USH2A: variants seen among roughly 807,000 people sequenced by gnomAD.
USH2A encodes the protein Usher syndrome 2A (autosomal recessive, mild).
In USH2A, 443 loss-of-function variants were observed where a neutral mutation model predicts 538.9. That is an observed-to-expected ratio of 0.82 (90% confidence interval 0.76 to 0.89). USH2A has a LOEUF of 0.89. Among genes scored for constraint, USH2A ranks in the 40% least tolerant of loss-of-function variants. The pLI is 0.00. For missense variants in USH2A, 6,633 were observed against 6,324.8 expected (o/e 1.05, Z -1.65); for synonymous variants, 2,413 against 2,273.5 (o/e 1.06, Z -1.75).
chr1:215,743,257 A>G lies in USH2A; in HGVS notation c.11468T>C (p.Val3823Ala), dbSNP rs1660356720. Residue 3823 changes from valine (V) to alanine (A), a missense_variant, in exon 59 of 72, where the codon GTT becomes GCT. Coordinates refer to ENST00000307340, the MANE Select transcript of USH2A (RefSeq NM_206933.4). Reference sequence around the variant, plus strand: ...CAGAAGGGTGGATTGATGATGACCAACGGAGAAGGCCAGAGGTGTTACACT... The same window carrying G: ...CAGAAGGGTGGATTGATGATGACCAGCGGAGAAGGCCAGAGGTGTTACACT... ...DGSVTPLAFS[V>A]GHHQSTLLEN... 4 of 1,612,320 alleles carry G rather than the reference A, an allele frequency of 2.5e-6. No homozygotes were observed. In the East Asian group the frequency reaches 8.9e-5, roughly 36 times the overall value.
At chr1:216,194,682 T>G (rs2102456658) in intron 19 of USH2A, among the ~76,000 whole-genome samples, 1 of 152,148 alleles carries the variant, frequency 6.6e-6, no homozygotes, top group South Asian at 2.1e-4. Context: ...CCCTCCAAAA[T>G]AAAGGACAAA....
At chr1:216,407,313 T>C (rs1042815210) in intron 3 of USH2A, among the ~76,000 whole-genome samples, 1 of 152,152 alleles carries the variant, frequency 6.6e-6, no homozygotes, top group African/African-American at 2.4e-5. Context: ...TATATACATA[T>C]TTGTAAATAC....
intron 34 of USH2A, among the ~76,000 whole-genome samples, chr1:215,997,644 G>A (rs1668171434): frequency 6.6e-6 from 1 of 152,098 alleles, no homozygotes; most frequent in African/African-American, 2.4e-5. Flanking sequence ...GCCCTAGGAA[G>A]AGAATCTGTT....
At chr1:216,038,531 T>C (rs532768966) in intron 32 of USH2A, among the ~76,000 whole-genome samples, 1 of 152,140 alleles carries the variant, frequency 6.6e-6, no homozygotes, top group East Asian at 1.9e-4. Context: ...GAGTACAAAA[T>C]TAGCAAAATC....
chr1:216,015,628 C>T (rs1405054979), intron 32 of USH2A, among the ~76,000 whole-genome samples: 1 of 152,164 alleles, frequency 6.6e-6, no homozygotes, highest in Non-Finnish European at 1.5e-5. Context: ...GTTTACAGTC[C>T]CACCAACAGT....
At chr1:215,859,682 T>A (rs1664266068) in intron 44 of USH2A, among the ~76,000 whole-genome samples, 1 of 152,148 alleles carries the variant, frequency 6.6e-6, no homozygotes, top group South Asian at 2.1e-4. Flanking sequence ...ATCGCCTGCA[T>A]ATACCAAGGG....
intron 38 of USH2A, among the ~76,000 whole-genome samples, chr1:215,932,207 C>A (rs1473970084): frequency 6.6e-6 from 1 of 151,942 alleles, no homozygotes; most frequent in Non-Finnish European, 1.5e-5. Flanking sequence ...ATAATGATAA[C>A]AATCCAACTA....
At chr1:216,041,261 A>G (rs1417718213) in intron 32 of USH2A, among the ~76,000 whole-genome samples, 1 of 152,030 alleles carries the variant, frequency 6.6e-6, no homozygotes, top group African/African-American at 2.4e-5. Context: ...CTGACCCACC[A>G]TACTACTAGC....
chr1:215,626,642 A>G (rs969477574), intron 71 of USH2A, among the ~76,000 whole-genome samples: 3 of 152,158 alleles, frequency 2.0e-5, no homozygotes, highest in Non-Finnish European at 4.4e-5. Context: ...CATTATTAGT[A>G]CCGTAAAAAG....
chr1:215,808,009 C>T (rs1238846093), intron 49 of USH2A, among the ~76,000 whole-genome samples: 1 of 152,078 alleles, frequency 6.6e-6, no homozygotes, highest in Non-Finnish European at 1.5e-5. Flanking sequence ...GGTCAAACAA[C>T]TAAGAGGTGA....
At chr1:216,261,434 C>A (rs1347196995) in intron 11 of USH2A, among the ~76,000 whole-genome samples, 2 of 128,804 alleles carry the variant, frequency 1.6e-5, no homozygotes, top group Admixed American at 8.4e-5. Context: ...AGACAATATA[C>A]TAAGATTCTA....
chr1:215,896,953 A>C (rs1478194117), intron 40 of USH2A, among the ~76,000 whole-genome samples: 1 of 152,146 alleles, frequency 6.6e-6, no homozygotes, highest in Non-Finnish European at 1.5e-5. Flanking sequence ...ACAGGATTTA[A>C]AATATTCATA....
At chr1:216,091,391 A>G (rs1422845460) in intron 22 of USH2A, among the ~76,000 whole-genome samples, 1 of 152,266 alleles carries the variant, frequency 6.6e-6, no homozygotes, top group East Asian at 1.9e-4. Context: ...GATCAAGTAT[A>G]TTCAAAATTG....
intron 20 of USH2A, among the ~76,000 whole-genome samples, chr1:216,175,809 C>A (rs78039241): frequency 6.6e-6 from 1 of 152,082 alleles, no homozygotes; most frequent in Non-Finnish European, 1.5e-5. Context: ...GTGCCCCAAC[C>A]ACAGTCCCTC....
chr1:216,185,001 T>G (rs2034570162), intron 20 of USH2A, among the ~76,000 whole-genome samples: 1 of 151,970 alleles, frequency 6.6e-6, no homozygotes, highest in Non-Finnish European at 1.5e-5. Context: ...AAGTAATTTC[T>G]CATAAGAAGG....
chr1:215,720,719 G>T (rs959752611), intron 61 of USH2A, among the ~76,000 whole-genome samples: 3 of 151,986 alleles, frequency 2.0e-5, no homozygotes, highest in Admixed American at 6.5e-5. Context: ...GGCAAAAAAA[G>T]GTTGTAGGGT....
At chr1:215,665,487 C>T (rs1417011319) in intron 64 of USH2A, among the ~76,000 whole-genome samples, 1 of 152,002 alleles carries the variant, frequency 6.6e-6, no homozygotes, top group African/African-American at 2.4e-5. Flanking sequence ...GGTGGCGGGC[C>T]CTATCAAATC....
At chr1:215,982,853 A>G (rs538912524) in intron 35 of USH2A, among the ~76,000 whole-genome samples, 24 of 152,342 alleles carry the variant, frequency 1.6e-4, no homozygotes, top group African/African-American at 5.8e-4. Flanking sequence ...ATAGAAGGAA[A>G]ACATGGGATA....
At chr1:215,914,439 C>A (rs560393987) in intron 38 of USH2A, among the ~76,000 whole-genome samples, 7 of 152,068 alleles carry the variant, frequency 4.6e-5, no homozygotes, top group African/African-American at 1.7e-4. Context: ...TTTCTGATTT[C>A]TAAAAATAAC....
Sources: allele counts gnomAD v4.1 joint callset (sites outside exome capture counted in the v4.1 genomes callset), GRCh38; gene constraint gnomAD v4.1.1; transcripts MANE v1.5; gene names NCBI Gene and HGNC (gene_info 2026-07-23, HGNC 2026-07-21).